Variants in SAXO4 observed in about 807,000 individuals in gnomAD.
SAXO4 encodes the protein protein phosphatase 1 regulatory subunit 32.
the SAXO4 span, chr11:61,481,969 A>T: frequency 7.8e-7 from 1 of 1,277,318 alleles, no homozygotes; most frequent in Non-Finnish European, 1.1e-6. Context: ...GCAGGAAGGG[A>T]GGGGCTCTCT....
At chr11:61,486,856 A>C in the SAXO4 span, 2 of 1,111,170 alleles carry the variant, frequency 1.8e-6, no homozygotes, top group Non-Finnish European at 2.7e-6. Context: ...GACAGGTCAC[A>C]GCTGTGTGTG....
the SAXO4 span, among the ~76,000 whole-genome samples, chr11:61,483,404 G>A: frequency 4.6e-5 from 7 of 151,714 alleles, no homozygotes; most frequent in Non-Finnish European, 8.8e-5. Flanking sequence ...CTGACCTCGT[G>A]ATCTGCCCGC....
At chr11:61,484,656 C>G in the SAXO4 span, 7 of 1,611,160 alleles carry the variant, frequency 4.3e-6, no homozygotes, top group Non-Finnish European at 5.9e-6. Context: ...ACTGCCGCCC[C>G]CTCACTTGTA....
chr11:61,481,901 G>A, the SAXO4 span: 3 of 1,580,596 alleles, frequency 1.9e-6, no homozygotes, highest in South Asian at 1.2e-5. Flanking sequence ...TACGCCACCA[G>A]CTACTGCACC....
At chr11:61,486,310 G>A in the SAXO4 span, 4 of 1,611,474 alleles carry the variant, frequency 2.5e-6, no homozygotes, top group South Asian at 4.4e-5. Context: ...GGCTGCCTCT[G>A]CGGGGCTGAC....
At chr11:61,484,743 T>C in the SAXO4 span, 30 of 1,613,492 alleles carry the variant, frequency 1.9e-5, no homozygotes, top group Non-Finnish European at 2.5e-5. Flanking sequence ...ATCACGGGGC[T>C]GGAGCCCAGG....
chr11:61,485,215 G>C, the SAXO4 span: 2 of 780,062 alleles, frequency 2.6e-6, no homozygotes, highest in Non-Finnish European at 4.3e-6. Context: ...TGTCCAGGGT[G>C]CTGTACTGGC....
the SAXO4 span, chr11:61,487,369 C>G: frequency 2.5e-6 from 2 of 793,780 alleles, no homozygotes. Flanking sequence ...CAGAAGCATA[C>G]CCTAAGCCAA....
chr11:61,489,282 T>C, the SAXO4 span: 1 of 191,264 alleles, frequency 5.2e-6, no homozygotes, highest in Non-Finnish European at 1.1e-5. Context: ...TCCTGCTGGC[T>C]GTCAGGCACG....
the SAXO4 span, chr11:61,490,694 C>T: frequency 1.0e-6 from 1 of 971,230 alleles, no homozygotes; most frequent in South Asian, 1.4e-5. Context: ...CTGGGGACCC[C>T]CCTTCCAAGT....
the SAXO4 span, chr11:61,490,012 C>T: frequency 1.4e-6 from 2 of 1,453,798 alleles, no homozygotes; most frequent in Non-Finnish European, 1.9e-6. Flanking sequence ...CAGGCCTTTC[C>T]CTTCCTCTCC....
chr11:61,486,266 G>A, the SAXO4 span: 4 of 1,484,248 alleles, frequency 2.7e-6, no homozygotes, highest in Non-Finnish European at 3.7e-6. Context: ...GCAGTGGCCT[G>A]GAGGCAGAGT....
chr11:61,484,712 C>T, the SAXO4 span: 1 of 1,613,784 alleles, frequency 6.2e-7, no homozygotes, highest in Admixed American at 1.7e-5. Flanking sequence ...TTTCGACACC[C>T]AGGAGCACGG....
chr11:61,489,855 G>A, the SAXO4 span: 1 of 1,613,904 alleles, frequency 6.2e-7, no homozygotes, highest in East Asian at 2.2e-5. Flanking sequence ...CCAGATGCCA[G>A]GAGGCTACGC....
At chr11:61,490,397 AC>A in the SAXO4 span, 1 of 1,061,598 alleles carries the variant, frequency 9.4e-7, no homozygotes, top group Non-Finnish European at 1.5e-6. Context: ...CCCTGGCTGA[AC>A]CCTGGCTATG....
At chr11:61,482,631 G>T in the SAXO4 span, 1 of 1,613,748 alleles carries the variant, frequency 6.2e-7, no homozygotes, top group African/African-American at 1.3e-5. Context: ...GCGGCCTGGG[G>T]TTCTAGCTCC....
the SAXO4 span, chr11:61,481,875 G>T: frequency 6.4e-7 from 1 of 1,571,744 alleles, no homozygotes; most frequent in Non-Finnish European, 8.6e-7. Context: ...GGGGCTACAC[G>T]GACCCCCTGA....
the SAXO4 span, chr11:61,489,858 G>T: frequency 6.2e-7 from 1 of 1,613,918 alleles, no homozygotes; most frequent in Non-Finnish European, 8.5e-7. Context: ...GATGCCAGGA[G>T]GCTACGCCCT....
chr11:61,490,674 C>T, the SAXO4 span: 2 of 1,205,106 alleles, frequency 1.7e-6, no homozygotes, highest in Non-Finnish European at 2.4e-6. Context: ...CTGGGTTAAG[C>T]AAGTCCTGCC....
Sources: gnomAD v4.1 joint callset for allele counts (sites outside exome capture counted in the v4.1 genomes callset) on GRCh38, gnomAD v4.1.1 for gene constraint, MANE v1.5 for transcripts, NCBI Gene and HGNC (gene_info 2026-07-23, HGNC 2026-07-21) for gene names.